The following COP1 variants were observed in gnomAD, a reference collection of about 807,000 sequenced individuals.
COP1 encodes the protein COP1 E3 ubiquitin ligase.
COP1 carries 24 observed loss-of-function variants against 101.3 expected under a neutral mutation model. The observed-to-expected ratio is 0.24, with a 90% CI of 0.17 to 0.33. COP1 has a LOEUF of 0.33. Among genes scored for constraint, COP1 ranks in the 10% least tolerant of loss-of-function variants. COP1 has a pLI of 1.00. For synonymous variants in COP1, 347 were observed against 341.9 expected (o/e 1.01, Z -0.17); for missense variants, 663 against 906.2 (o/e 0.73, Z 3.45).
chr1:175,999,076 A>T (rs1660971800), intron 15 of COP1, among the ~76,000 whole-genome samples: 1 of 152,128 alleles, frequency 6.6e-6, no homozygotes, highest in African/African-American at 2.4e-5. Flanking sequence ...ACAGTTTTCA[A>T]CCCATGATGG....
At chr1:175,998,077 A>T in intron 15 of COP1, among the ~76,000 whole-genome samples, 2 of 146,000 alleles carry the variant, frequency 1.4e-5, no homozygotes, top group Middle Eastern at 3.5e-3. Context: ...AAAAAAAAAA[A>T]AAAAAAAAAA....
At chr1:176,092,123 A>C (rs910196905) in intron 9 of COP1, among the ~76,000 whole-genome samples, 4 of 152,140 alleles carry the variant, frequency 2.6e-5, no homozygotes, top group Admixed American at 1.3e-4. Context: ...ACAATGGGAG[A>C]TAAATCTGCA....
chr1:176,161,794 C>T (rs781639535), intron 5 of COP1, among the ~76,000 whole-genome samples: 1 of 152,090 alleles, frequency 6.6e-6, no homozygotes, highest in Non-Finnish European at 1.5e-5. Flanking sequence ...ATTTACCCGA[C>T]CTCCCAAACA....
At chr1:176,056,432 G>A (rs1293514627) in intron 11 of COP1, among the ~76,000 whole-genome samples, 1 of 125,934 alleles carries the variant, frequency 7.9e-6, no homozygotes, top group Non-Finnish European at 1.8e-5. Flanking sequence ...AGTTAACACA[G>A]GGATTTTTTA....
At chr1:176,186,058 A>G (rs184953536) in intron 1 of COP1, among the ~76,000 whole-genome samples, 1 of 152,264 alleles carries the variant, frequency 6.6e-6, no homozygotes. Flanking sequence ...ACATAATAAT[A>G]AGAGGACACA....
In COP1 at chr1:176,066,438, C is replaced by T. The variant is rs538935159; in HGVS notation, c.1277+14714G>A. Among the ~76,000 whole-genome samples, 14 of 152,254 alleles carry T rather than the reference C, an allele frequency of 9.2e-5. No homozygotes were observed. The South Asian group carries it at 2.7e-3, about 29-fold the overall frequency. ...AATAGTAAAGTGAACTCCTACTAAA[C>T]TCCTTCCAGTGATAAAATGGGCAAA... On this transcript the variant is annotated intron_variant, in intron 11 of 19. Coordinates refer to ENST00000367669, the MANE Select transcript of COP1 (RefSeq NM_022457.7).
intron 11 of COP1, among the ~76,000 whole-genome samples, chr1:176,060,064 G>A (rs886370874): frequency 6.6e-6 from 1 of 152,012 alleles, no homozygotes; most frequent in African/African-American, 2.4e-5. Flanking sequence ...GCACTAAATT[G>A]AAGCCACATT....
intron 14 of COP1, among the ~76,000 whole-genome samples, chr1:176,040,506 C>G (rs963763412): frequency 6.6e-6 from 1 of 152,050 alleles, no homozygotes; most frequent in Non-Finnish European, 1.5e-5. Context: ...TTTGTAGAGA[C>G]AGGGTCTCAT....
At chr1:176,135,870 C>T (rs1689711538) in intron 7 of COP1, among the ~76,000 whole-genome samples, 1 of 152,022 alleles carries the variant, frequency 6.6e-6, no homozygotes, top group Non-Finnish European at 1.5e-5. Context: ...ACAGAGGATA[C>T]TGAACATCCA....
chr1:176,085,349 G>A (rs980715236), intron 10 of COP1, among the ~76,000 whole-genome samples: 2 of 151,948 alleles, frequency 1.3e-5, no homozygotes, highest in African/African-American at 2.4e-5. Context: ...ATATCACACA[G>A]AACTGTTTAT....
chr1:176,103,203 T>C (rs1683708571), intron 9 of COP1, among the ~76,000 whole-genome samples: 1 of 152,210 alleles, frequency 6.6e-6, no homozygotes, highest in South Asian at 2.1e-4. Flanking sequence ...CATCTTTTGT[T>C]ATTCACAGCA....
At chr1:175,945,214 G>A in intron 19 of COP1, 44 bp from the exon 20 acceptor site, 1 of 1,378,966 alleles carries the variant, frequency 7.3e-7, no homozygotes, top group Non-Finnish European at 1.0e-6. Flanking sequence ...AATCATTTAA[G>A]ATATAAAAGG....
In COP1 at chr1:176,141,694, TAA is replaced by T. The variant is rs753345347; in HGVS notation, c.832-5149_832-5148del. Reference sequence around the variant, plus strand: ...TAGTTCCTGAAATGGCAGACCTGATTAAAAGACTTCATTTAACCCTTTCATAG... The same window carrying T: ...TAGTTCCTGAAATGGCAGACCTGATTAAGACTTCATTTAACCCTTTCATAG... On this transcript the variant is annotated intron_variant, in intron 6 of 19. Transcript: ENST00000367669. 6.5e-4 allele frequency among the ~76,000 whole-genome samples: 99 copies of T among 151,932 alleles called. 1 individual carries two copies. Among genetic ancestry groups the T allele is most frequent in the Non-Finnish European group, 1.2e-3 (83 of 67,958 alleles).
At chr1:175,993,363 C>T (rs968170807) in intron 15 of COP1, among the ~76,000 whole-genome samples, 1 of 152,204 alleles carries the variant, frequency 6.6e-6, no homozygotes, top group Non-Finnish European at 1.5e-5. Flanking sequence ...GAACGCAGCT[C>T]CTCACCAGCA....
intron 15 of COP1, among the ~76,000 whole-genome samples, chr1:176,005,530 C>T (rs1050021857): frequency 6.6e-6 from 1 of 152,058 alleles, no homozygotes; most frequent in Admixed American, 6.6e-5. Context: ...TGAATGTGTC[C>T]CAGAGATTCT....
chr1:176,206,810 C>T lies in COP1; in HGVS notation c.169G>A (p.Gly57Ser), dbSNP rs1700911781. 2 of 1,383,066 alleles carry T rather than the reference C, an allele frequency of 1.4e-6. No homozygotes were observed. The highest frequency in any genetic ancestry group is 3.0e-5 in the African/African-American group (2 of 65,646). 85.7% of individuals were successfully genotyped at this position (1,383,066 alleles called of 1,614,324 possible). Residue 57 changes from glycine (G) to serine (S), a missense_variant, in exon 1 of 20, where the codon GGC becomes AGC. Physicochemically the swap from Gly to Ser is moderately conservative, Grantham distance 56 (BLOSUM62 0). Around this residue, in one of 4 missense-constraint regions of COP1, gnomAD observed 204 missense variants for 203.6 expected, o/e 1.00. Transcript: ENST00000367669. ...LVSGGVAQAA[G>S]SGGLGGPVRP... The stretch of plus-strand genomic sequence containing the variant: ...ACCGGGCCCCCGAGGCCGCCCGAGC[C>T]GGCGGCCTGGGCCACCCCGCCGGAC...
rs375033166 is a variant in COP1, at chr1:175,988,832, CAA to C, written c.1848-422_1848-421del. On this transcript the variant is annotated intron_variant, in intron 16 of 19. Transcript: ENST00000367669. ...TGGGTGACAGAGCGAGACTCTGTGC[CAA>C]AAAAAAAAAGTTTTCTTTTCAACAT... 408 of 143,124 alleles carry C rather than the reference CAA, an allele frequency of 2.9e-3. 3 individuals are homozygous for C. The highest frequency in any genetic ancestry group is 0.01 in the African/African-American group (383 of 38,168). The allele number at this position is 143,124 out of a possible 1,614,324, so 8.9% of individuals were successfully genotyped here. A position where few individuals can be genotyped will look rare whatever the true frequency, so the allele number is the denominator to read the frequency against.
chr1:176,005,658 G>A (rs184147074), intron 15 of COP1, among the ~76,000 whole-genome samples: 2,421 of 152,204 alleles, frequency 0.016, 35 homozygotes, highest in Non-Finnish European at 0.023. Flanking sequence ...GAAGTTGAGC[G>A]GTTTTGAGTG....
intron 18 of COP1, among the ~76,000 whole-genome samples, chr1:175,951,806 C>T (rs1649955818): frequency 6.6e-6 from 1 of 151,896 alleles, no homozygotes; most frequent in African/African-American, 2.4e-5. Context: ...ATCTCAGTGA[C>T]CTATTGGGCA....
Sources: allele counts gnomAD v4.1 joint callset (sites outside exome capture counted in the v4.1 genomes callset), GRCh38; gene constraint gnomAD v4.1.1; regional missense constraint gnomAD v4.1.1; transcripts MANE v1.5; gene names NCBI Gene and HGNC (gene_info 2026-07-23, HGNC 2026-07-21).